The following CLSTN3 variants were observed in gnomAD, a reference collection of about 807,000 sequenced individuals.
CLSTN3 encodes the protein calsyntenin-3.
Under a neutral mutation model 95.9 loss-of-function variants are expected in CLSTN3, and 36 were observed. The observed-to-expected ratio is 0.38, with a 90% confidence interval of 0.29 to 0.50. The LOEUF (loss-of-function observed/expected upper bound fraction) is 0.50, where lower values mean the gene tolerates loss of function less well. Ranked by LOEUF, CLSTN3 falls within the 20% of genes least tolerant of loss-of-function variation. The probability of loss-of-function intolerance (pLI) is 0.95; values close to 1 mark genes in which losing one functional copy is unlikely to be tolerated. For missense variants in CLSTN3, 1,084 were observed against 1,268.8 expected (o/e 0.85, Z 2.21); for synonymous variants, 481 against 504.0 (o/e 0.95, Z 0.61).
At chr12:7,130,313 T>G (rs7300098), upstream of CLSTN3, 44 of 200,162 alleles carry the variant, frequency 2.2e-4, 2 homozygotes, top group Non-Finnish European at 3.1e-4. Context: ...TCCCCCCCCC[T>G]CCCAGTCACC....
chr12:7,130,764 T>C (rs1243109342), intron 1 of CLSTN3, 52 bp downstream of exon 1: 1 of 1,094,852 alleles, frequency 9.1e-7, no homozygotes, highest in East Asian at 2.7e-5. Flanking sequence ...GGCAGCGCCG[T>C]GCGGGGTGGG....
intron 12 of CLSTN3, among the ~76,000 whole-genome samples, chr12:7,143,689 C>T (rs1939571946): frequency 6.6e-6 from 1 of 152,244 alleles, no homozygotes; most frequent in Non-Finnish European, 1.5e-5. Context: ...AATGGTGAGT[C>T]CTGGCTGCTT....
rs1187339988 is a variant in CLSTN3, at chr12:7,158,889, T to G, written c.*808T>G. On this transcript the variant is annotated 3_prime_UTR_variant, in exon 18 of 18. Coordinates refer to ENST00000266546, the MANE Select transcript of CLSTN3 (RefSeq NM_014718.4). ...GGCAGGGGCGGGGGGTTGGGTGTGG[T>G]GAGGGAGGGGACATATCCTAGGGTT... The G allele has an allele frequency of 1.5e-4, 17 of 116,260 alleles. No individual in the cohort carries two copies. The highest frequency in any genetic ancestry group is 4.6e-4 in the Admixed American group (5 of 10,830). The allele number at this position is 116,260 out of a possible 1,614,324, so 7.2% of individuals were successfully genotyped here. A position where few individuals can be genotyped will look rare whatever the true frequency, so the allele number is the denominator to read the frequency against.
intron 10 of CLSTN3, 101 bp downstream of exon 10, chr12:7,142,240 T>A: frequency 1.0e-6 from 1 of 995,348 alleles, no homozygotes; most frequent in Non-Finnish European, 1.5e-6. Flanking sequence ...TGTGACAGCC[T>A]CCTAGGCCAC....
chr12:7,131,009 A>G, intron 1 of CLSTN3: 1 of 502,564 alleles, frequency 2.0e-6, no homozygotes, highest in South Asian at 2.1e-5. Flanking sequence ...CCTAATTTCT[A>G]CACGCTGGTG....
chr12:7,135,222 G>C lies in CLSTN3; in HGVS notation c.384-105G>C. 4.8e-6 allele frequency: 5 copies of C among 1,034,158 alleles called. No individual in the cohort carries two copies. In the South Asian group the frequency reaches 5.9e-5, roughly 12 times the overall value. 64.1% of individuals were successfully genotyped at this position (1,034,158 alleles called of 1,614,324 possible). ...TATCAAGGCTGTATCTTGATGTACC[G>C]TATCGAGGCTGTACCTCGGTGTGCT... is the stretch of plus-strand genomic sequence containing the variant. On this transcript the variant is annotated intron_variant, in intron 3 of 17. Transcript: ENST00000266546.
upstream of CLSTN3, chr12:7,130,357 G>T: frequency 7.4e-7 from 1 of 1,346,918 alleles, no homozygotes; most frequent in South Asian, 1.6e-5. Context: ...TCGTTGCCCG[G>T]CTGTGCTGAC....
chr12:7,131,387 A>G, intron 1 of CLSTN3: 1 of 214,502 alleles, frequency 4.7e-6, no homozygotes, highest in Non-Finnish European at 9.5e-6. Context: ...CTGGCAGGAA[A>G]GGGCAGAAGT....
At position 7,130,422 on chromosome 12, in the gene CLSTN3, TG is replaced by T; in HGVS notation, c.-222del. 1 of 1,440,244 alleles carries T rather than the reference TG, an allele frequency of 6.9e-7. No homozygotes were observed. Among genetic ancestry groups the T allele is most frequent in the Non-Finnish European group, 9.1e-7 (1 of 1,096,948 alleles). The allele number at this position is 1,440,244 out of a possible 1,614,324, so 89.2% of individuals were successfully genotyped here. ...GAGTGAGAGAGTGAGGACGCTGGGC[TG>T]GGGGAAACGGGAAGCCGCTGCAAGT... On this transcript the variant is annotated 5_prime_UTR_variant, in exon 1 of 18. Coordinates refer to ENST00000266546, the MANE Select transcript of CLSTN3 (RefSeq NM_014718.4).
At chr12:7,135,712 T>TG in intron 4 of CLSTN3, 92 bp from the exon 5 acceptor site, 1 of 1,479,502 alleles carries the variant, frequency 6.8e-7, no homozygotes, top group Admixed American at 2.0e-5. Flanking sequence ...CTGCCTAACC[T>TG]GCCTGCTGCC....
At chr12:7,131,985 G>C in intron 1 of CLSTN3, 1 of 446,832 alleles carries the variant, frequency 2.2e-6, no homozygotes, top group East Asian at 7.0e-5. Flanking sequence ...TGTGCTTTGG[G>C]AGCCTGGGTG....
chr12:7,157,807 C>T lies in CLSTN3; in HGVS notation c.2730+116C>T, dbSNP rs191302343. 27 of 1,490,472 alleles carry T rather than the reference C, an allele frequency of 1.8e-5. 1 individual carries two copies. The highest frequency in any genetic ancestry group is 4.2e-5 in the African/African-American group (3 of 71,974). 92.3% of individuals were successfully genotyped at this position (1,490,472 alleles called of 1,614,324 possible). A position where few individuals can be genotyped will look rare whatever the true frequency, so the allele number is the denominator to read the frequency against. On this transcript the variant is annotated intron_variant, in intron 17 of 17. Coordinates refer to ENST00000266546, the MANE Select transcript of CLSTN3 (RefSeq NM_014718.4). This position sits in a 1 kb window ranked among gnomAD's most constrained non-coding sequence, Gnocchi z 5.9. Reference sequence around the variant, plus strand: ...GGCTGTTCGCAGAGCTGCAGTGAGCCGGAGGGAGAGAGGTTCAGGCAGGGA... The same window carrying T: ...GGCTGTTCGCAGAGCTGCAGTGAGCTGGAGGGAGAGAGGTTCAGGCAGGGA...
intron 6 of CLSTN3, 105 bp downstream of exon 6, chr12:7,136,496 G>A: frequency 8.8e-7 from 1 of 1,136,838 alleles, no homozygotes; most frequent in South Asian, 1.6e-5. Flanking sequence ...ATCCACAGGT[G>A]TTTATCCATA....
chr12:7,144,492 A>G (rs1398766284), intron 12 of CLSTN3, among the ~76,000 whole-genome samples: 1 of 152,222 alleles, frequency 6.6e-6, no homozygotes, highest in Non-Finnish European at 1.5e-5. Context: ...CGATGACTAC[A>G]TGATATAATC....
Position 7,141,981 on chromosome 12 carries a change from T to A in CLSTN3, c.1487-105T>A. The A allele has an allele frequency of 4.6e-6, 4 of 869,520 alleles. No individual in the cohort carries two copies. The highest frequency in any genetic ancestry group is 7.1e-6 in the Non-Finnish European group (4 of 565,904). The allele number at this position is 869,520 out of a possible 1,614,324, so 53.9% of individuals were successfully genotyped here. ...GCAGGGTCAGAATCCCATGTGGGCA[T>A]GAGAGCACTCATGGGGATGAGAGGA... On this transcript the variant is annotated intron_variant, in intron 9 of 17. Coordinates refer to ENST00000266546, the MANE Select transcript of CLSTN3 (RefSeq NM_014718.4). The surrounding 1 kb of genome is among the most constrained non-coding windows in gnomAD (Gnocchi z 4.1).
intron 1 of CLSTN3, among the ~76,000 whole-genome samples, chr12:7,131,564 C>T (rs755956681): frequency 1.2e-4 from 18 of 152,124 alleles, no homozygotes; most frequent in African/African-American, 4.1e-4. Flanking sequence ...CAAGGAGGAG[C>T]CCGGGAGCCT....
chr12:7,152,072 A>G (rs1203166655), intron 16 of CLSTN3, among the ~76,000 whole-genome samples: 9 of 151,772 alleles, frequency 5.9e-5, no homozygotes, highest in Non-Finnish European at 1.5e-5. Context: ...AAAAAAAAAA[A>G]AAAAGAAAGA....
At position 7,149,382 on chromosome 12, in the gene CLSTN3, A is replaced by T; in HGVS notation, c.2075-141A>T. ...CGTGGGTGGAAATGAATTGTTGCAT[A>T]ATGATATTCTTGAAAATGATGCTGA... On this transcript the variant is annotated intron_variant, in intron 13 of 17. Coordinates refer to ENST00000266546, the MANE Select transcript of CLSTN3 (RefSeq NM_014718.4). This position sits in a 1 kb window ranked among gnomAD's most constrained non-coding sequence, Gnocchi z 4.5. The T allele has an allele frequency of 1.1e-6, 1 of 910,720 alleles. No individual in the cohort carries two copies. Among genetic ancestry groups the T allele is most frequent in the Non-Finnish European group, 1.7e-6 (1 of 594,370 alleles). 56.4% of individuals were successfully genotyped at this position (910,720 alleles called of 1,614,324 possible). A position where few individuals can be genotyped will look rare whatever the true frequency, so the allele number is the denominator to read the frequency against.
chr12:7,157,362 C>T lies in CLSTN3; in HGVS notation c.2528-127C>T, dbSNP rs762782864. On this transcript the variant is annotated intron_variant, in intron 16 of 17. Coordinates refer to ENST00000266546, the MANE Select transcript of CLSTN3 (RefSeq NM_014718.4). The surrounding 1 kb of genome is among the most constrained non-coding windows in gnomAD (Gnocchi z 5.9). ...GCTTCTCCAGGTGTTCCTCTCTTCT[C>T]GGCCACCGTGTGTTCTGCCCTGGGA... 2.0e-5 allele frequency: 15 copies of T among 762,588 alleles called. No individual in the cohort carries two copies. The highest frequency in any genetic ancestry group is 3.5e-5 in the African/African-American group (2 of 57,034). 47.2% of individuals were successfully genotyped at this position (762,588 alleles called of 1,614,324 possible). A position where few individuals can be genotyped will look rare whatever the true frequency, so the allele number is the denominator to read the frequency against.
Sources: allele counts gnomAD v4.1 joint callset (sites outside exome capture counted in the v4.1 genomes callset), GRCh38; gene constraint gnomAD v4.1.1; non-coding constraint Gnocchi (gnomAD v3.1); transcripts MANE v1.5; gene names NCBI Gene and HGNC (gene_info 2026-07-23, HGNC 2026-07-21).